HELQ: variants seen among roughly 807,000 people sequenced by gnomAD.
HELQ encodes the protein helicase POLQ-like.
A neutral mutation model predicts 111.6 loss-of-function variants in HELQ; 77 were observed. The observed-to-expected ratio is 0.69, with a 90% CI of 0.57 to 0.83. The LOEUF (loss-of-function observed/expected upper bound fraction) is 0.83, where lower values mean the gene tolerates loss of function less well. Among genes scored for constraint, HELQ ranks in the 40% least tolerant of loss-of-function variants. The pLI is 0.00. For synonymous variants in HELQ, 438 were observed against 454.7 expected, an observed-to-expected ratio of 0.96 and a Z score of 0.47; for missense variants, 1,200 against 1,288.5, an observed-to-expected ratio of 0.93 and a Z score of 1.05.
At chr4:83,451,007 G>A (rs1721334032) in intron 2 of HELQ, among the ~76,000 whole-genome samples, 1 of 152,152 alleles carries the variant, frequency 6.6e-6, no homozygotes, top group African/African-American at 2.4e-5. Context: ...AAATTTCCAG[G>A]TGATGTTGAT....
At chr4:83,433,436 G>C (rs1171734336) in intron 9 of HELQ, among the ~76,000 whole-genome samples, 1 of 152,074 alleles carries the variant, frequency 6.6e-6, no homozygotes, top group Non-Finnish European at 1.5e-5. Flanking sequence ...GAGAGGCTGA[G>C]GGGGGCGGAT....
At position 83,415,329 on chromosome 4, in the gene HELQ, T is replaced by C. The variant is rs112747376; in HGVS notation, c.3198+1402A>G. Reference sequence around the variant, plus strand: ...GGGCAATAAGAGCTGTTTTTGAATATGTGAAAAACAGCATACAAACAAAAA... The same window carrying C: ...GGGCAATAAGAGCTGTTTTTGAATACGTGAAAAACAGCATACAAACAAAAA... On this transcript the variant is annotated intron_variant, in intron 17 of 17. Transcript: ENST00000295488. Among the ~76,000 whole-genome samples the C allele has an allele frequency of 4.7e-3, 722 of 152,234 alleles. 8 individuals are homozygous for C. The highest frequency in any genetic ancestry group is 0.017 in the African/African-American group (692 of 41,546).
intron 2 of HELQ, among the ~76,000 whole-genome samples, chr4:83,449,568 G>C (rs1456358618): frequency 1.3e-5 from 2 of 152,172 alleles, no homozygotes; most frequent in African/African-American, 4.8e-5. Flanking sequence ...AATTTGGCAA[G>C]GCGGGATTCA....
At chr4:83,409,086 C>G (rs911614786) in intron 17 of HELQ, among the ~76,000 whole-genome samples, 5 of 152,016 alleles carry the variant, frequency 3.3e-5, no homozygotes, top group African/African-American at 1.2e-4. Flanking sequence ...AACAAACAAA[C>G]AAACTTGCAT....
Position 83,449,868 on chromosome 4 carries a change from C to CAA in HELQ, c.1013-909_1013-908dup, listed in dbSNP as rs35086534. The stretch of plus-strand genomic sequence containing the variant: ...TTTAAAATAAAAAACAAATAACTAT[C>CAA]AAAAAAAAAAAAAGCCCCACACATG... On this transcript the variant is annotated intron_variant, in intron 2 of 17. Coordinates refer to ENST00000295488, the MANE Select transcript of HELQ (RefSeq NM_133636.5). Among the ~76,000 whole-genome samples the CAA allele has an allele frequency of 1.3e-3, 174 of 137,240 alleles. 1 individual carries two copies. Among genetic ancestry groups the CAA allele is most frequent in the South Asian group, 5.4e-3 (24 of 4,426 alleles). The allele number at this position is 137,240 out of a possible 152,430, so 90.0% of individuals were successfully genotyped here. A position where few individuals can be genotyped will look rare whatever the true frequency, so the allele number is the denominator to read the frequency against.
chr4:83,429,831 C>A (rs1720046742), intron 11 of HELQ, 85 bp from the exon 12 acceptor site: 1 of 756,468 alleles, frequency 1.3e-6, no homozygotes, highest in Admixed American at 2.7e-5. Flanking sequence ...TAACTCATTT[C>A]CATACCTCAA....
chr4:83,416,261 G>A (rs557693156), intron 17 of HELQ, among the ~76,000 whole-genome samples: 7 of 151,486 alleles, frequency 4.6e-5, no homozygotes, highest in African/African-American at 7.3e-5. Context: ...TTTTTGGGGC[G>A]GGGGGACAGG....
intron 15 of HELQ, among the ~76,000 whole-genome samples, chr4:83,418,587 G>T (rs1382191207): frequency 6.6e-6 from 1 of 152,178 alleles, no homozygotes; most frequent in East Asian, 1.9e-4. Context: ...AATGTAACAT[G>T]ATGTTCAATG....
chr4:83,425,957 G>T, intron 14 of HELQ, 37 bp downstream of exon 14: 1 of 1,092,836 alleles, frequency 9.2e-7, no homozygotes, highest in Non-Finnish European at 1.4e-6. Flanking sequence ...AGTGTTGAGT[G>T]AACTTATTAT....
intron 17 of HELQ, among the ~76,000 whole-genome samples, chr4:83,415,569 G>C (rs1739313539): frequency 6.6e-6 from 1 of 152,104 alleles, no homozygotes; most frequent in Non-Finnish European, 1.5e-5. Flanking sequence ...CCTGTGAAGA[G>C]AACTTTGGGA....
intron 14 of HELQ, among the ~76,000 whole-genome samples, chr4:83,424,027 T>C (rs1719705472): frequency 6.6e-6 from 1 of 152,206 alleles, no homozygotes; most frequent in African/African-American, 2.4e-5. Flanking sequence ...TATTTAAATA[T>C]GTTCTCCAGA....
rs1264603339 is a variant in HELQ, at chr4:83,416,762, C to T, written c.3167G>A (p.Arg1056His). ...LVRTIDHLSR[R>H]QAKQIVSSAK... ...TGATGAAACAATTTGCTTGGCTTGGCGTCTTGATAAATGATCAATTGTCCT... is the reference window on the plus strand; with the variant it reads ...TGATGAAACAATTTGCTTGGCTTGGTGTCTTGATAAATGATCAATTGTCCT... The change falls in exon 17 of 18, where the codon CGC becomes CAC. Residue 1056 changes from arginine (R) to histidine (H), a missense_variant. Arg to His is a conservative substitution (Grantham distance 29). Coordinates refer to ENST00000295488, the MANE Select transcript of HELQ (RefSeq NM_133636.5). 11 of 1,612,606 alleles carry T rather than the reference C, an allele frequency of 6.8e-6. No individual in the cohort carries two copies. Among genetic ancestry groups the T allele is most frequent in the African/African-American group, 1.3e-5 (1 of 74,820 alleles).
chr4:83,455,421 G>A lies in HELQ; in HGVS notation c.273C>T (p.Pro91=). Residue 91 remains proline, a synonymous_variant, in exon 1 of 18, where the codon CCC becomes CCT. Transcript: ENST00000295488. Reference sequence around the variant, plus strand: ...CCTGGTCTCCCACCCCTCTGTCAGTGGGCATGTGACGTAGGAGGTCCGGGT... The same window carrying A: ...CCTGGTCTCCCACCCCTCTGTCAGTAGGCATGTGACGTAGGAGGTCCGGGT... ...DTNPDLLRHM[P]TDRGVGDQPN... 6.2e-7 allele frequency: 1 copy of A among 1,613,776 alleles called. No individual in the cohort carries two copies.
At chr4:83,442,632 C>T (rs1472922557) in intron 6 of HELQ, among the ~76,000 whole-genome samples, 4 of 150,106 alleles carry the variant, frequency 2.7e-5, no homozygotes, top group African/African-American at 5.1e-5. Flanking sequence ...AGGATGGTCT[C>T]GATCTCTTGA....
At chr4:83,455,008 A>G (rs1437797528) in intron 1 of HELQ, among the ~76,000 whole-genome samples, 1 of 152,226 alleles carries the variant, frequency 6.6e-6, no homozygotes, top group African/African-American at 2.4e-5. Flanking sequence ...TGATTAAGAC[A>G]ACAGGATTTG....
At chr4:83,430,276 A>AT (rs1434225748) in intron 11 of HELQ, among the ~76,000 whole-genome samples, 1 of 149,704 alleles carries the variant, frequency 6.7e-6, no homozygotes, top group African/African-American at 2.5e-5. Flanking sequence ...AAGTATAATA[A>AT]AAAAAAAACA....
At chr4:83,435,080 G>C (rs866433362) in intron 9 of HELQ, among the ~76,000 whole-genome samples, 2 of 152,150 alleles carry the variant, frequency 1.3e-5, no homozygotes, top group Non-Finnish European at 2.9e-5. Context: ...AAACTCATTT[G>C]TTGGAAAATG....
chr4:83,441,412 A>G lies in HELQ; in HGVS notation c.1564-9T>C. The G allele has an allele frequency of 1.5e-6, 2 of 1,301,886 alleles. No homozygotes were observed. Among genetic ancestry groups the G allele is most frequent in the East Asian group, 2.3e-5 (1 of 42,966 alleles). The allele number at this position is 1,301,886 out of a possible 1,614,324, so 80.6% of individuals were successfully genotyped here. A position where few individuals can be genotyped will look rare whatever the true frequency, so the allele number is the denominator to read the frequency against. ...TATTCTTTTAACTCAACCTTGAATT[A>G]AAAGGACATTTGCAATTAATACGAC... On this transcript the variant is annotated splice_polypyrimidine_tract_variant and intron_variant, in intron 6 of 17. Transcript: ENST00000295488.
At chr4:83,453,032 AT>A in intron 2 of HELQ, 198 bp downstream of exon 2, 1 of 490,194 alleles carries the variant, frequency 2.0e-6, no homozygotes. Context: ...AACTGGTTTG[AT>A]AAGTGTGACT....
Sources: allele counts gnomAD v4.1 joint callset (sites outside exome capture counted in the v4.1 genomes callset), GRCh38; gene constraint gnomAD v4.1.1; transcripts MANE v1.5; gene names NCBI Gene and HGNC (gene_info 2026-07-23, HGNC 2026-07-21).